The following RECK variants were observed in gnomAD, a reference collection of about 807,000 sequenced individuals.
The protein encoded by RECK is reversion-inducing cysteine-rich protein with Kazal motifs.
In RECK, 69 loss-of-function variants were observed where a neutral mutation model predicts 115.1. The ratio of observed to expected loss-of-function variants is 0.60; its 90% confidence interval spans 0.49 to 0.73. The LOEUF is 0.73. Ranked by LOEUF, RECK falls within the 30% of genes least tolerant of loss-of-function variation. The pLI, the probability that RECK is intolerant of heterozygous loss-of-function variation, is 0.00. For missense variants in RECK, 1,047 were observed against 1,203.7 expected (o/e 0.87, Z 1.93); for synonymous variants, 414 against 419.7 (o/e 0.99, Z 0.17).
intron 18 of RECK, among the ~76,000 whole-genome samples, chr9:36,119,865 A>T (rs1334789882): frequency 6.6e-6 from 1 of 152,196 alleles, no homozygotes; most frequent in Non-Finnish European, 1.5e-5. Flanking sequence ...TGTCGTGTGA[A>T]AATACGGCAT....
intron 10 of RECK, among the ~76,000 whole-genome samples, chr9:36,095,462 A>C (rs563716269): frequency 4.3e-4 from 65 of 152,210 alleles, no homozygotes; most frequent in Non-Finnish European, 7.5e-4. Context: ...ACATATCCCA[A>C]CTCCTCTTAT....
intron 11 of RECK, among the ~76,000 whole-genome samples, chr9:36,101,069 C>A (rs980142792): frequency 6.6e-6 from 1 of 151,956 alleles, no homozygotes; most frequent in Non-Finnish European, 1.5e-5. Context: ...CAGGTTCAAG[C>A]AATTCTCCTG....
At chr9:36,075,047 A>G (rs1009519436) in intron 6 of RECK, among the ~76,000 whole-genome samples, 2 of 152,172 alleles carry the variant, frequency 1.3e-5, no homozygotes, top group African/African-American at 4.8e-5. Context: ...CCTTTAGCAG[A>G]CTAGCTCAGG....
At chr9:36,043,337 C>T (rs374448355) in intron 1 of RECK, among the ~76,000 whole-genome samples, 5 of 151,606 alleles carry the variant, frequency 3.3e-5, no homozygotes, top group East Asian at 3.9e-4. Flanking sequence ...CCACCGAGTC[C>T]GGCTCCTTAG....
intron 16 of RECK, among the ~76,000 whole-genome samples, chr9:36,115,055 C>G (rs1248206459): frequency 6.6e-6 from 1 of 152,040 alleles, no homozygotes; most frequent in Non-Finnish European, 1.5e-5. Flanking sequence ...TGGCTCATAC[C>G]TGTAATCCCA....
chr9:36,037,143 CG>C (rs1198365988), intron 1 of RECK, 45 bp downstream of exon 1: 27 of 1,208,076 alleles, frequency 2.2e-5, no homozygotes, highest in Non-Finnish European at 2.7e-5. Context: ...CGGGAGCGGC[CG>C]CCACAGCGCT....
At chr9:36,105,061 C>T (rs1823744374) in intron 12 of RECK, 82 bp from the exon 13 acceptor site, 8 of 1,183,158 alleles carry the variant, frequency 6.8e-6, no homozygotes, top group Non-Finnish European at 9.7e-6. Flanking sequence ...TTCATTTATT[C>T]CAGCCATAAT....
intron 8 of RECK, among the ~76,000 whole-genome samples, chr9:36,086,950 A>C (rs891915419): frequency 6.6e-6 from 1 of 152,170 alleles, no homozygotes; most frequent in African/African-American, 2.4e-5. Flanking sequence ...ATGGCCTTTC[A>C]TTTTTGTAAG....
rs143176930 is a variant in RECK at position 36,059,811 on chromosome 9, T to C, written c.235-308T>C. On this transcript the variant is annotated intron_variant, in intron 3 of 20. Coordinates refer to ENST00000377966, the MANE Select transcript of RECK (RefSeq NM_021111.3). ...AGGGGAAAATAAGTTGATGATTAAA[T>C]AGTTCTGACTGACACATTCCCTTTA... 2.0e-5 allele frequency among the ~76,000 whole-genome samples: 3 copies of C among 152,338 alleles called. No individual in the cohort carries two copies. The East Asian group carries it at 5.8e-4, about 29-fold the overall frequency.
intron 17 of RECK, 119 bp downstream of exon 17, chr9:36,117,296 T>A: frequency 1.4e-6 from 1 of 740,236 alleles, no homozygotes; most frequent in Non-Finnish European, 2.1e-6. Context: ...GTCAAATCTA[T>A]AGCACCCAGT....
At chr9:36,052,041 G>A (rs1225086157) in intron 1 of RECK, among the ~76,000 whole-genome samples, 4 of 152,134 alleles carry the variant, frequency 2.6e-5, no homozygotes, top group Admixed American at 1.3e-4. Context: ...TTACATGACA[G>A]TCTCCCCTAT....
chr9:36,111,086 T>G (rs1824024162), intron 15 of RECK, among the ~76,000 whole-genome samples: 2 of 152,182 alleles, frequency 1.3e-5, no homozygotes, highest in East Asian at 1.9e-4. Context: ...AAGGAAGACT[T>G]TTTAAAATTT....
intron 9 of RECK, among the ~76,000 whole-genome samples, chr9:36,088,612 G>A (rs546676183): frequency 3.3e-5 from 5 of 152,320 alleles, no homozygotes; most frequent in South Asian, 2.1e-4. Flanking sequence ...GATACCAGGC[G>A]TAAAACAATC....
chr9:36,099,204 T>C, intron 10 of RECK, among the ~76,000 whole-genome samples: 1 of 150,710 alleles, frequency 6.6e-6, no homozygotes, highest in Non-Finnish European at 1.5e-5. Context: ...CCAGCCTGGG[T>C]GACAGAGTGA....
chr9:36,104,234 G>C lies in RECK; in HGVS notation c.1436-909G>C, dbSNP rs557075850. Among the ~76,000 whole-genome samples the C allele has an allele frequency of 4.8e-5, 6 of 126,210 alleles. No homozygotes were observed. In the South Asian group the frequency reaches 1.3e-3, roughly 27 times the overall value. 82.8% of individuals were successfully genotyped at this position (126,210 alleles called of 152,430 possible). ...CACTACTTATTACTTACAATTTTCTGACTTAATTATTTATTTATAGATACA... is the reference window on the plus strand; with the variant it reads ...CACTACTTATTACTTACAATTTTCTCACTTAATTATTTATTTATAGATACA... On this transcript the variant is annotated intron_variant, in intron 12 of 20. Transcript: ENST00000377966.
At chr9:36,045,350 A>G (rs1821030803) in intron 1 of RECK, among the ~76,000 whole-genome samples, 1 of 152,210 alleles carries the variant, frequency 6.6e-6, no homozygotes, top group Non-Finnish European at 1.5e-5. Flanking sequence ...TTGTTTTGAA[A>G]ATTAAAATTT....
chr9:36,100,199 C>T, intron 10 of RECK, 132 bp from the exon 11 acceptor site: 7 of 647,718 alleles, frequency 1.1e-5, no homozygotes, highest in Non-Finnish European at 1.9e-5. Flanking sequence ...AGCTGATATC[C>T]TTTCATGGGT....
intron 10 of RECK, among the ~76,000 whole-genome samples, chr9:36,096,824 TA>T (rs966497898): frequency 6.6e-6 from 1 of 152,046 alleles, no homozygotes; most frequent in African/African-American, 2.4e-5. Flanking sequence ...ACTTCAACCG[TA>T]AAATCTTTTG....
chr9:36,096,575 A>G (rs1339997022), intron 10 of RECK, among the ~76,000 whole-genome samples: 1 of 152,120 alleles, frequency 6.6e-6, no homozygotes, highest in East Asian at 1.9e-4. Flanking sequence ...AATAAATAGA[A>G]ACATCTTTTC....
Sources: gnomAD v4.1 joint callset for allele counts (sites outside exome capture counted in the v4.1 genomes callset) on GRCh38, gnomAD v4.1.1 for gene constraint, MANE v1.5 for transcripts, NCBI Gene and HGNC (gene_info 2026-07-23, HGNC 2026-07-21) for gene names.